NLRP4: variants seen among roughly 807,000 people sequenced by gnomAD.
NLRP4 encodes the protein NACHT, LRR and PYD domains-containing protein 4.
NLRP4 carries 44 observed loss-of-function variants against 84.7 expected under a neutral mutation model. That is an observed-to-expected ratio of 0.52 (90% CI 0.41 to 0.67). NLRP4 has a LOEUF of 0.67. NLRP4 is among the 30% of genes least tolerant of loss of function. NLRP4 has a pLI of 0.00. For synonymous variants in NLRP4, 544 were observed against 476.4 expected, an observed-to-expected ratio of 1.14 and a Z score of -1.85; for missense variants, 1,260 against 1,219.4, an observed-to-expected ratio of 1.03 and a Z score of -0.50.
chr19:55,850,034 ACTGCGGTGTGATTTCCGTAG>A (rs1268386740), intron 1 of NLRP4, among the ~76,000 whole-genome samples: 192 of 18,528 alleles, frequency 0.01, 23 homozygotes, highest in East Asian at 0.063. Context: ...GATTTCCGAG[ACTGCGGTGTGATTTCCGTAG>A]CTGCGGTGGA....
intron 2 of NLRP4, chr19:55,857,363 T>G: frequency 3.1e-6 from 1 of 323,746 alleles, no homozygotes; most frequent in Non-Finnish European, 5.4e-6. Flanking sequence ...GTGTGTCTAT[T>G]GAAAGCAGAA....
chr19:55,852,844 C>A (rs11879349), intron 2 of NLRP4, among the ~76,000 whole-genome samples: 15,744 of 152,146 alleles, frequency 0.1, 1,727 homozygotes, highest in African/African-American at 0.28. Flanking sequence ...GGTAAAATGT[C>A]AGTGGCTATT....
chr19:55,838,871 A>G (rs542511729), intron 1 of NLRP4, among the ~76,000 whole-genome samples: 5 of 152,306 alleles, frequency 3.3e-5, no homozygotes, highest in African/African-American at 1.2e-4. Context: ...TATCTAATGT[A>G]CAGATCTTAC....
At position 55,876,073 on chromosome 19, in the gene NLRP4, T is replaced by C. The variant is rs139976645; in HGVS notation, c.2526-923T>C. 1.7e-3 allele frequency among the ~76,000 whole-genome samples: 263 copies of C among 152,162 alleles called. 4 individuals carry two copies. The East Asian group carries it at 0.024, about 14-fold the overall frequency. On this transcript the variant is annotated intron_variant, in intron 7 of 9. Transcript: ENST00000301295. ...AATGTAGGAACTCTTGCTCTAAATGTGTCATCTAAAGTTTTAGAAATTAAA... is the reference window on the plus strand; with the variant it reads ...AATGTAGGAACTCTTGCTCTAAATGCGTCATCTAAAGTTTTAGAAATTAAA...
At chr19:55,859,353 A>C in intron 3 of NLRP4, 104 bp downstream of exon 3, 8 of 909,806 alleles carry the variant, frequency 8.8e-6, no homozygotes, top group Non-Finnish European at 1.3e-5. Context: ...TTAGAAACTC[A>C]TTTTTTCTGC....
chr19:55,838,325 T>A (rs1181381249), intron 1 of NLRP4, among the ~76,000 whole-genome samples: 2 of 146,252 alleles, frequency 1.4e-5, no homozygotes, highest in East Asian at 4.2e-4. Flanking sequence ...CACATGAAGG[T>A]AGAGACAAGC....
chr19:55,879,174 G>A (rs926164151), intron 9 of NLRP4, among the ~76,000 whole-genome samples: 3 of 152,210 alleles, frequency 2.0e-5, no homozygotes, highest in African/African-American at 7.2e-5. Context: ...GGAAACACTT[G>A]TGAAGTGGCC....
At chr19:55,864,492 A>T (rs912482740) in intron 5 of NLRP4, among the ~76,000 whole-genome samples, 2 of 152,178 alleles carry the variant, frequency 1.3e-5, no homozygotes, top group African/African-American at 4.8e-5. Flanking sequence ...TTGGGTTGTT[A>T]CCACCTTTTA....
chr19:55,842,514 C>T (rs1983649537), intron 1 of NLRP4, among the ~76,000 whole-genome samples: 1 of 144,824 alleles, frequency 6.9e-6, no homozygotes, highest in South Asian at 2.1e-4. Flanking sequence ...CATTAGAGCA[C>T]TTGATGTCCT....
intron 3 of NLRP4, among the ~76,000 whole-genome samples, chr19:55,860,613 C>T (rs373916445): frequency 1.3e-5 from 2 of 151,966 alleles, no homozygotes; most frequent in East Asian, 3.9e-4. Context: ...TGAGGTGGAT[C>T]CTATTATCCT....
chr19:55,879,002 T>C, intron 9 of NLRP4, 38 bp downstream of exon 9: 2 of 1,544,040 alleles, frequency 1.3e-6, no homozygotes, highest in Non-Finnish European at 1.8e-6. Context: ...GGCAGAGTGC[T>C]CCGGGCTAAG....
intron 8 of NLRP4, among the ~76,000 whole-genome samples, 192 bp from the exon 9 acceptor site, chr19:55,878,602 G>C (rs1452510434): frequency 1.3e-5 from 2 of 152,208 alleles, no homozygotes; most frequent in African/African-American, 4.8e-5. Context: ...CAGGGATACA[G>C]AGAAGAATGG....
intron 5 of NLRP4, among the ~76,000 whole-genome samples, chr19:55,863,414 C>T (rs1380133809): frequency 1.3e-5 from 2 of 152,064 alleles, no homozygotes; most frequent in Non-Finnish European, 2.9e-5. Context: ...AGGAAACTTA[C>T]AATGGTGGCA....
At chr19:55,867,572 G>T in intron 5 of NLRP4, 137 bp from the exon 6 acceptor site, 2 of 704,748 alleles carry the variant, frequency 2.8e-6, no homozygotes, top group Non-Finnish European at 2.4e-6. Context: ...GGTTGACAGG[G>T]ATCAAGAACA....
In NLRP4 at chr19:55,857,888, G is replaced by A; in HGVS notation, c.495G>A (p.Leu165=). 6.2e-7 allele frequency: 1 copy of A among 1,614,182 alleles called. No individual in the cohort carries two copies. The highest frequency in any genetic ancestry group is 8.5e-7 in the Non-Finnish European group (1 of 1,180,004). ...GPQGIGKTTL[L]MKLMMAWSDN... The stretch of plus-strand genomic sequence containing the variant: ...AAGGAATTGGAAAAACGACACTCCT[G>A]ATGAAGCTGATGATGGCCTGGTCGG... Residue 165 remains leucine, a synonymous_variant, in exon 3 of 10, where the codon CTG becomes CTA. Coordinates refer to ENST00000301295, the MANE Select transcript of NLRP4 (RefSeq NM_134444.5).
intron 1 of NLRP4, among the ~76,000 whole-genome samples, chr19:55,845,437 T>C (rs1033672891): frequency 7.9e-5 from 12 of 151,752 alleles, no homozygotes; most frequent in Non-Finnish European, 1.8e-4. Flanking sequence ...TGTTGGACAT[T>C]TGGGTTGGTT....
At chr19:55,873,020 C>T (rs1017486791) in intron 7 of NLRP4, among the ~76,000 whole-genome samples, 4 of 151,900 alleles carry the variant, frequency 2.6e-5, no homozygotes, top group East Asian at 1.9e-4. Flanking sequence ...GGCGGGGAGA[C>T]GGGAGGGTGG....
Position 55,854,913 on chromosome 19 carries a change from G to A in NLRP4, c.280+2553G>A, listed in dbSNP as rs1045812214. On this transcript the variant is annotated intron_variant, in intron 2 of 9. Coordinates refer to ENST00000301295, the MANE Select transcript of NLRP4 (RefSeq NM_134444.5). ...TAGTTTTTATATTTTTAGTAGAGAC[G>A]GGATTTTGCCATGTTGGCCAGGCTG... Among the ~76,000 whole-genome samples the A allele has an allele frequency of 5.3e-5, 8 of 152,180 alleles. No individual in the cohort carries two copies. The East Asian group carries it at 1.2e-3, about 22-fold the overall frequency.
chr19:55,857,364 G>T, intron 2 of NLRP4: 45 of 320,256 alleles, frequency 1.4e-4, no homozygotes, highest in Non-Finnish European at 1.7e-4. Context: ...TGTGTCTATT[G>T]AAAGCAGAAG....
Sources: allele counts gnomAD v4.1 joint callset (sites outside exome capture counted in the v4.1 genomes callset), GRCh38; gene constraint gnomAD v4.1.1; transcripts MANE v1.5; gene names NCBI Gene and HGNC (gene_info 2026-07-23, HGNC 2026-07-21).